Variants in SH3RF2 observed in about 807,000 individuals in gnomAD.
The protein encoded by SH3RF2 is SH3 domain containing ring finger 2.
A neutral mutation model predicts 59.0 loss-of-function variants in SH3RF2; 43 were observed. The ratio of observed to expected loss-of-function variants is 0.73; its 90% CI spans 0.57 to 0.94. The LOEUF (loss-of-function observed/expected upper bound fraction) is 0.94, where lower values mean the gene tolerates loss of function less well. Among genes scored for constraint, SH3RF2 ranks in the 40% least tolerant of loss-of-function variants. SH3RF2 has a pLI of 0.00. For synonymous variants in SH3RF2, 391 were observed against 391.5 expected (o/e 1.00, Z 0.01); for missense variants, 930 against 940.1 (o/e 0.99, Z 0.14).
At chr5:146,043,414 G>A (rs1251298355) in intron 5 of SH3RF2, among the ~76,000 whole-genome samples, 1 of 151,202 alleles carries the variant, frequency 6.6e-6, no homozygotes, top group African/African-American at 2.5e-5. Context: ...TCAAGCTAAG[G>A]CCTCTTGGAT....
At chr5:146,014,213 T>G in intron 5 of SH3RF2, 152 bp downstream of exon 5, 1 of 768,104 alleles carries the variant, frequency 1.3e-6, no homozygotes, top group South Asian at 1.9e-5. Context: ...TAGAATTGTA[T>G]AAACCTTTTA....
exon 10 of SH3RF2, chr5:146,078,710 G>GT (rs748700285): frequency 3.9e-5 from 6 of 152,356 alleles, no homozygotes; most frequent in Admixed American, 2.0e-4. Flanking sequence ...AAGCAAGTGA[G>GT]TCATGTGCTG....
intron 2 of SH3RF2, among the ~76,000 whole-genome samples, chr5:145,986,180 C>T (rs1759697360): frequency 1.3e-5 from 2 of 152,238 alleles, no homozygotes; most frequent in Admixed American, 6.5e-5. Flanking sequence ...GTTCAGGGGC[C>T]ACCTCCAGCC....
At chr5:145,965,773 G>A (rs1758834851) in intron 2 of SH3RF2, among the ~76,000 whole-genome samples, 1 of 152,186 alleles carries the variant, frequency 6.6e-6, no homozygotes, top group Admixed American at 6.5e-5. Flanking sequence ...CTCATAGAAT[G>A]TGCGGTCTCA....
chr5:146,073,937 A>G (rs1057354837), intron 9 of SH3RF2, among the ~76,000 whole-genome samples: 2 of 152,144 alleles, frequency 1.3e-5, no homozygotes, highest in Non-Finnish European at 2.9e-5. Flanking sequence ...CCCGAAGACT[A>G]AGAGGGAACC....
intron 9 of SH3RF2, among the ~76,000 whole-genome samples, chr5:146,071,072 G>A (rs1363454154): frequency 6.6e-6 from 1 of 152,158 alleles, no homozygotes; most frequent in Admixed American, 6.5e-5. Flanking sequence ...CTTCCCATGA[G>A]AATCACAACT....
chr5:145,953,978 T>C (rs1387095662), intron 2 of SH3RF2, among the ~76,000 whole-genome samples: 1 of 152,260 alleles, frequency 6.6e-6, no homozygotes, highest in Non-Finnish European at 1.5e-5. Flanking sequence ...TTTAGATTGA[T>C]TCTATGCCTT....
rs867402046 is a variant in SH3RF2 at position 145,938,266 on chromosome 5, C to T, written c.338C>T (p.Pro113Leu). 1.9e-6 allele frequency: 3 copies of T among 1,590,896 alleles called. No homozygotes were observed. The highest frequency in any genetic ancestry group is 2.6e-6 in the Non-Finnish European group (3 of 1,172,344). The stretch of plus-strand genomic sequence containing the variant: ...AACCCCAGACGTCTGCAGGCCAGTC[C>T]TTTCCGGCTAGTGCCTAATGTCAGA... ...RTNPRRLQAS[P>L]FRLVPNVRIH... The change falls in exon 2 of 10, where the codon CCT becomes CTT. Residue 113 changes from proline (P) to leucine (L), a missense_variant. Transcript: ENST00000359120.
chr5:145,937,882 C>T lies in SH3RF2; in HGVS notation c.-47C>T, dbSNP rs751615195. On this transcript the variant is annotated 5_prime_UTR_variant, in exon 2 of 10. Coordinates refer to ENST00000359120, the MANE Select transcript of SH3RF2 (RefSeq NM_152550.4). ...GCCCCCGTGGCTCAACTGACCCTAC[C>T]ATGTGGACGCTGCTCCTCCAGGTGG... is the stretch of plus-strand genomic sequence containing the variant. The T allele has an allele frequency of 6.4e-7, 1 of 1,573,332 alleles. No homozygotes were observed. The highest frequency in any genetic ancestry group is 8.6e-7 in the Non-Finnish European group (1 of 1,160,418).
chr5:145,939,245 G>A (rs956583654), intron 2 of SH3RF2, among the ~76,000 whole-genome samples: 3 of 152,202 alleles, frequency 2.0e-5, no homozygotes, highest in Admixed American at 1.3e-4. Context: ...TGTGGCTTGG[G>A]CCATTGGCAT....
At chr5:145,936,923 T>C (rs1345312270) in intron 1 of SH3RF2, 1 of 152,228 alleles carries the variant, frequency 6.6e-6, no homozygotes, top group Non-Finnish European at 1.5e-5. Flanking sequence ...AACTGGAGGC[T>C]TCTTTTCATA....
intron 2 of SH3RF2, among the ~76,000 whole-genome samples, chr5:145,952,149 A>G (rs1315054461): frequency 6.6e-6 from 1 of 152,156 alleles, no homozygotes; most frequent in East Asian, 1.9e-4. Flanking sequence ...ATAAGTATCC[A>G]TCTTATTCCA....
Position 146,056,035 on chromosome 5 carries a change from G to A in SH3RF2, c.1377G>A (p.Thr459=), listed in dbSNP as rs756431695. 1.4e-5 allele frequency: 23 copies of A among 1,614,074 alleles called. No individual in the cohort carries two copies. Among genetic ancestry groups the A allele is most frequent in the Admixed American group, 5.0e-5 (3 of 60,006 alleles). ...GCCCTGGTCTCTACACCACATGGACGTTATCCACCTCCTCTGTGTCCTCCC... is the reference window on the plus strand; with the variant it reads ...GCCCTGGTCTCTACACCACATGGACATTATCCACCTCCTCTGTGTCCTCCC... ...SRSPGLYTTW[T]LSTSSVSSQG... is the part of the protein sequence containing the mutation. Residue 459 remains threonine (T), a synonymous_variant, in exon 8 of 10, where the codon ACG becomes ACA. Coordinates refer to ENST00000359120, the MANE Select transcript of SH3RF2 (RefSeq NM_152550.4).
chr5:145,948,977 T>C lies in SH3RF2; in HGVS notation c.378+10671T>C, dbSNP rs183231180. On this transcript the variant is annotated intron_variant, in intron 2 of 9. Transcript: ENST00000359120. ...AAATACTTAATTATTGAATGCATAA[T>C]GTTTGCCATATTGCAAGAAACTGCG... Among the ~76,000 whole-genome samples the C allele has an allele frequency of 2.5e-3, 380 of 152,370 alleles. 2 individuals are homozygous for C. Among genetic ancestry groups the C allele is most frequent in the African/African-American group, 8.3e-3 (347 of 41,574 alleles).
chr5:145,955,324 G>T (rs959191256), intron 2 of SH3RF2, among the ~76,000 whole-genome samples: 3 of 152,110 alleles, frequency 2.0e-5, no homozygotes, highest in Non-Finnish European at 2.9e-5. Flanking sequence ...AATACTGCAC[G>T]TTCTCACCTG....
intron 3 of SH3RF2, among the ~76,000 whole-genome samples, chr5:146,002,308 A>G (rs950460113): frequency 6.6e-6 from 1 of 152,104 alleles, no homozygotes; most frequent in African/African-American, 2.4e-5. Context: ...AAAATTAGTC[A>G]GGCGTGGTTG....
intron 2 of SH3RF2, among the ~76,000 whole-genome samples, chr5:145,956,115 T>C (rs1758396237): frequency 6.6e-6 from 1 of 152,216 alleles, no homozygotes; most frequent in Non-Finnish European, 1.5e-5. Context: ...GGAGTCTGAA[T>C]TTCTCATAAG....
intron 2 of SH3RF2, among the ~76,000 whole-genome samples, chr5:145,982,395 T>C (rs1759538074): frequency 6.6e-6 from 1 of 152,202 alleles, no homozygotes; most frequent in African/African-American, 2.4e-5. Context: ...CTTGCTTCTG[T>C]GACACTTGGC....
At chr5:145,968,937 G>A (rs1022576160) in intron 2 of SH3RF2, among the ~76,000 whole-genome samples, 10 of 152,216 alleles carry the variant, frequency 6.6e-5, no homozygotes, top group Non-Finnish European at 1.5e-4. Flanking sequence ...ACATTCTATA[G>A]TGTCTAGATC....
Sources: gnomAD v4.1 joint callset for allele counts (sites outside exome capture counted in the v4.1 genomes callset) on GRCh38, gnomAD v4.1.1 for gene constraint, MANE v1.5 for transcripts, NCBI Gene and HGNC (gene_info 2026-07-23, HGNC 2026-07-21) for gene names.